Variants in BRD10 observed in about 807,000 individuals in gnomAD.
The protein encoded by BRD10 is uncharacterized bromodomain-containing protein 10.
chr9:5,993,908 T>C, the BRD10 span, among the ~76,000 whole-genome samples: 46 of 152,136 alleles, frequency 3.0e-4, no homozygotes, highest in African/African-American at 1.0e-3. Context: ...ACTAATTAAA[T>C]TAGGAAAGAC....
the BRD10 span, among the ~76,000 whole-genome samples, chr9:5,959,856 C>T: frequency 6.6e-6 from 1 of 152,176 alleles, no homozygotes; most frequent in East Asian, 1.9e-4. Flanking sequence ...TAACATAGTA[C>T]CACATGCTTA....
At chr9:5,911,105 G>A in the BRD10 span, among the ~76,000 whole-genome samples, 1 of 152,184 alleles carries the variant, frequency 6.6e-6, no homozygotes, top group Non-Finnish European at 1.5e-5. Context: ...TATTACTCAA[G>A]AAATCTTTGC....
At chr9:6,008,437 A>G in the BRD10 span, among the ~76,000 whole-genome samples, 20 of 151,894 alleles carry the variant, frequency 1.3e-4, no homozygotes, top group African/African-American at 4.8e-4. Flanking sequence ...AGCTGTGGAG[A>G]GAAGCAAAGA....
At chr9:5,985,644 G>C in the BRD10 span, among the ~76,000 whole-genome samples, 2 of 152,114 alleles carry the variant, frequency 1.3e-5, no homozygotes, top group East Asian at 3.8e-4. Context: ...AATTAGCCGG[G>C]TGTGGTGGTG....
the BRD10 span, among the ~76,000 whole-genome samples, chr9:5,973,357 T>C: frequency 3.3e-5 from 5 of 151,962 alleles, no homozygotes; most frequent in Admixed American, 1.3e-4. Flanking sequence ...ATCTCAGCTA[T>C]TTAGGAGGCT....
chr9:5,983,239 C>T, the BRD10 span, among the ~76,000 whole-genome samples: 1 of 152,180 alleles, frequency 6.6e-6, no homozygotes, highest in Admixed American at 6.5e-5. Flanking sequence ...AGGCATTATG[C>T]TATTGTAGGG....
chr9:5,903,394 T>A, the BRD10 span, among the ~76,000 whole-genome samples: 2 of 152,224 alleles, frequency 1.3e-5, no homozygotes, highest in Non-Finnish European at 2.9e-5. Context: ...CTTTTATATA[T>A]TGTTAGGTTT....
the BRD10 span, among the ~76,000 whole-genome samples, chr9:5,905,607 T>C: frequency 3.5e-4 from 54 of 152,242 alleles, 1 homozygote; most frequent in African/African-American, 1.3e-3. Context: ...TAAGCATTCC[T>C]TTATACTGAC....
chr9:5,985,332 G>T, the BRD10 span, among the ~76,000 whole-genome samples: 4 of 152,078 alleles, frequency 2.6e-5, no homozygotes, highest in Non-Finnish European at 5.9e-5. Context: ...CCTTGGGTAC[G>T]CTAAGATTCC....
At chr9:5,943,600 A>G in the BRD10 span, among the ~76,000 whole-genome samples, 4 of 152,182 alleles carry the variant, frequency 2.6e-5, no homozygotes, top group East Asian at 7.7e-4. Context: ...CATAACATAA[A>G]TATTTGAGGA....
the BRD10 span, among the ~76,000 whole-genome samples, chr9:5,944,214 T>TAGC: frequency 6.6e-6 from 1 of 152,168 alleles, no homozygotes; most frequent in Admixed American, 6.5e-5. Context: ...ATAGCCCAAC[T>TAGC]ATAAATGCTA....
At chr9:5,998,020 G>A in the BRD10 span, among the ~76,000 whole-genome samples, 1 of 152,192 alleles carries the variant, frequency 6.6e-6, no homozygotes, top group African/African-American at 2.4e-5. Flanking sequence ...TACTTTAGAA[G>A]TAGGAAGAAT....
At chr9:5,927,174 T>C in the BRD10 span, among the ~76,000 whole-genome samples, 2 of 152,192 alleles carry the variant, frequency 1.3e-5, no homozygotes, top group African/African-American at 4.8e-5. Context: ...TTAATGGCTT[T>C]ACTTCTTATT....
At chr9:5,923,585 C>T in the BRD10 span, among the ~76,000 whole-genome samples, 2 of 152,118 alleles carry the variant, frequency 1.3e-5, no homozygotes, top group African/African-American at 4.8e-5. Context: ...AATTCTTCTG[C>T]CAGTGTAAGT....
the BRD10 span, among the ~76,000 whole-genome samples, chr9:5,949,373 AC>A: frequency 1.4e-5 from 2 of 146,418 alleles, no homozygotes; most frequent in African/African-American, 2.6e-5. Flanking sequence ...AAACAAACAA[AC>A]AACAACAACA....
At chr9:5,966,394 T>C in the BRD10 span, among the ~76,000 whole-genome samples, 1 of 151,272 alleles carries the variant, frequency 6.6e-6, no homozygotes, top group East Asian at 1.9e-4. Context: ...TACTATATAA[T>C]TGAGTTGGGA....
At chr9:5,953,378 G>C in the BRD10 span, among the ~76,000 whole-genome samples, 3 of 152,048 alleles carry the variant, frequency 2.0e-5, no homozygotes, top group Non-Finnish European at 4.4e-5. Flanking sequence ...TAATTAGGGT[G>C]AGATTCTCTG....
the BRD10 span, among the ~76,000 whole-genome samples, chr9:5,976,279 A>C: frequency 6.6e-6 from 1 of 152,230 alleles, no homozygotes; most frequent in African/African-American, 2.4e-5. Context: ...ATTTATAGAT[A>C]CTGTGTACTT....
the BRD10 span, among the ~76,000 whole-genome samples, chr9:5,994,754 G>A: frequency 3.3e-5 from 5 of 152,038 alleles, no homozygotes; most frequent in Admixed American, 6.6e-5. Flanking sequence ...TTCTCCTACT[G>A]AGCAGGGTAG....
Sources: allele counts gnomAD v4.1 joint callset (sites outside exome capture counted in the v4.1 genomes callset), GRCh38; gene constraint gnomAD v4.1.1; transcripts MANE v1.5; gene names NCBI Gene and HGNC (gene_info 2026-07-23, HGNC 2026-07-21).